Variants in FLNB observed in about 807,000 individuals in gnomAD.
The protein encoded by FLNB is filamin B.
A neutral mutation model predicts 250.6 loss-of-function variants in FLNB; 111 were observed. The ratio of observed to expected loss-of-function variants is 0.44; its 90% confidence interval spans 0.38 to 0.52. The LOEUF is 0.52. Among genes scored for constraint, FLNB ranks in the 20% least tolerant of loss-of-function variants. The pLI, the probability that FLNB is intolerant of heterozygous loss-of-function variation, is 0.00. For missense variants in FLNB, 2,869 were observed against 3,447.8 expected, an observed-to-expected ratio of 0.83 and a Z score of 4.20; for synonymous variants, 1,302 against 1,372.1, an observed-to-expected ratio of 0.95 and a Z score of 1.13.
chr3:58,095,121 G>C (rs2097235923), intron 5 of FLNB, among the ~76,000 whole-genome samples, 167 bp downstream of exon 5: 1 of 152,180 alleles, frequency 6.6e-6, no homozygotes, highest in Non-Finnish European at 1.5e-5. Context: ...TGCCCAAGAG[G>C]TGAGCCTTGA....
At chr3:58,153,249 C>A in intron 38 of FLNB, 126 bp from the exon 39 acceptor site, 1 of 1,120,130 alleles carries the variant, frequency 8.9e-7, no homozygotes, top group Non-Finnish European at 1.3e-6. Context: ...GGGAAGGAAG[C>A]CTGGGCACCT....
rs147219074 is a variant in FLNB, at chr3:58,070,928, G to A, written c.293-6118G>A. Among the ~76,000 whole-genome samples the A allele has an allele frequency of 3.0e-3, 453 of 149,834 alleles. 5 individuals carry two copies. Among genetic ancestry groups the A allele is most frequent in the African/African-American group, 0.011 (442 of 40,742 alleles). ...GCCTCCCAAAGTGCTAGGATTACAGGCTCTCTTGCTCTCTCTCTCTCTTGT... is the reference window on the plus strand; with the variant it reads ...GCCTCCCAAAGTGCTAGGATTACAGACTCTCTTGCTCTCTCTCTCTCTTGT... On this transcript the variant is annotated intron_variant, in intron 1 of 45. Coordinates refer to ENST00000295956, the MANE Select transcript of FLNB (RefSeq NM_001457.4).
chr3:58,103,905 T>G, intron 9 of FLNB, 54 bp from the exon 10 acceptor site: 3 of 1,605,772 alleles, frequency 1.9e-6, no homozygotes, highest in Non-Finnish European at 2.6e-6. Flanking sequence ...TCCTTTTGAT[T>G]CTCATTTTGG....
At chr3:58,023,933 A>G (rs982844555) in intron 1 of FLNB, among the ~76,000 whole-genome samples, 1 of 152,208 alleles carries the variant, frequency 6.6e-6, no homozygotes, top group Non-Finnish European at 1.5e-5. Context: ...TTTAGCTTTT[A>G]GTTGCTCAGC....
chr3:58,095,110 C>T (rs2097235898), intron 5 of FLNB, among the ~76,000 whole-genome samples, 156 bp downstream of exon 5: 1 of 152,170 alleles, frequency 6.6e-6, no homozygotes, highest in South Asian at 2.1e-4. Context: ...TTAAAGTAAC[C>T]TGCCCAAGAG....
Position 58,136,746 on chromosome 3 carries a change from CTT to C in FLNB, c.4861+600_4861+601del, listed in dbSNP as rs57053256. ...CAACTATTGACTGTCACAGGCCATT[CTT>C]TTTTTTTTTTTTTTTTTTTTTGAGA... On this transcript the variant is annotated intron_variant, in intron 28 of 45. Coordinates refer to ENST00000295956, the MANE Select transcript of FLNB (RefSeq NM_001457.4). 6.2e-3 allele frequency among the ~76,000 whole-genome samples: 495 copies of C among 79,768 alleles called. 3 individuals are homozygous for C. The highest frequency in any genetic ancestry group is 0.025 in the African/African-American group (456 of 18,152). The allele number at this position is 79,768 out of a possible 152,430, so 52.3% of individuals were successfully genotyped here. A position where few individuals can be genotyped will look rare whatever the true frequency, so the allele number is the denominator to read the frequency against.
At chr3:58,130,950 C>T (rs1322001589) in intron 25 of FLNB, 42 bp downstream of exon 25, 1 of 1,577,170 alleles carries the variant, frequency 6.3e-7, no homozygotes, top group Non-Finnish European at 8.6e-7. Flanking sequence ...TCATCTGCCC[C>T]AGGCAGGGGC....
chr3:58,025,371 A>G (rs1021592526), intron 1 of FLNB, among the ~76,000 whole-genome samples: 5 of 149,432 alleles, frequency 3.3e-5, no homozygotes, highest in Non-Finnish European at 7.4e-5. Flanking sequence ...CTCAAGTGAT[A>G]CTCCCTCCTC....
At chr3:58,081,068 TAC>T (rs1355262707) in intron 3 of FLNB, among the ~76,000 whole-genome samples, 1 of 152,216 alleles carries the variant, frequency 6.6e-6, no homozygotes, top group Non-Finnish European at 1.5e-5. Context: ...GTGATGGGAT[TAC>T]AGTCATGAGC....
intron 24 of FLNB, 35 bp from the exon 25 acceptor site, chr3:58,130,706 A>G: frequency 1.2e-6 from 2 of 1,604,252 alleles, no homozygotes; most frequent in South Asian, 2.2e-5. Context: ...TCCAATTCCC[A>G]GCTTGTGCTC....
chr3:58,141,092 A>C (rs1037730909), intron 29 of FLNB, among the ~76,000 whole-genome samples: 3 of 152,066 alleles, frequency 2.0e-5, no homozygotes, highest in Non-Finnish European at 4.4e-5. Flanking sequence ...TACCAAAAAA[A>C]AAAAATAATA....
At chr3:58,012,913 G>A (rs370427179) in intron 1 of FLNB, among the ~76,000 whole-genome samples, 29 of 152,342 alleles carry the variant, frequency 1.9e-4, no homozygotes, top group African/African-American at 7.0e-4. Flanking sequence ...GCTGCCAGAG[G>A]ACTCTGGCTT....
intron 5 of FLNB, among the ~76,000 whole-genome samples, chr3:58,095,256 T>C (rs1047419973): frequency 3.9e-5 from 6 of 152,082 alleles, no homozygotes; most frequent in Admixed American, 1.3e-4. Flanking sequence ...TATTTATTTA[T>C]TGAGACAGAG....
At chr3:58,127,804 A>G (rs2097300431) in intron 24 of FLNB, among the ~76,000 whole-genome samples, 1 of 152,206 alleles carries the variant, frequency 6.6e-6, no homozygotes, top group South Asian at 2.1e-4. Flanking sequence ...AGGACTCTCC[A>G]TAGGTTCTAG....
chr3:58,045,451 CATT>C (rs761779681), intron 1 of FLNB, among the ~76,000 whole-genome samples: 1 of 152,030 alleles, frequency 6.6e-6, no homozygotes, highest in Non-Finnish European at 1.5e-5. Context: ...TTTCTTAAAA[CATT>C]ATGAGATCCT....
At chr3:58,027,830 T>C (rs2097125556) in intron 1 of FLNB, among the ~76,000 whole-genome samples, 3 of 152,254 alleles carry the variant, frequency 2.0e-5, no homozygotes, top group Admixed American at 2.0e-4. Context: ...AAGGAGACTT[T>C]GTGTCACTAT....
In FLNB at chr3:58,104,046, G is replaced by C. The variant is rs750869078; in HGVS notation, c.1571G>C (p.Ser524Thr). The change falls in exon 10 of 46, where the codon AGC becomes ACC. Residue 524 changes from serine to threonine, a missense_variant. Coordinates refer to ENST00000295956, the MANE Select transcript of FLNB (RefSeq NM_001457.4). ...TACCCCAGCACCCCGGGGAGATACA[G>C]CATTGCCATCACATGGGGGGGACAC... Reference protein sequence around the residue: ...EYYPSTPGRYSIAITWGGHHI... With the variant: ...EYYPSTPGRYTIAITWGGHHI... The C allele has an allele frequency of 6.2e-7, 1 of 1,614,014 alleles. No individual in the cohort carries two copies. Among genetic ancestry groups the C allele is most frequent in the South Asian group, 1.1e-5 (1 of 91,062 alleles).
chr3:58,018,136 C>T (rs1415350780), intron 1 of FLNB, among the ~76,000 whole-genome samples: 1 of 152,020 alleles, frequency 6.6e-6, no homozygotes, highest in Non-Finnish European at 1.5e-5. Flanking sequence ...GTCTGCTGAG[C>T]ATTGGTCTAT....
rs577031737 is a variant in FLNB, at chr3:58,028,601, A to T, written c.292+19745A>T. On this transcript the variant is annotated intron_variant, in intron 1 of 45. Coordinates refer to ENST00000295956, the MANE Select transcript of FLNB (RefSeq NM_001457.4). ...GGAGACCTTATCTCTACCAAAAAAA[A>T]TTTTTTTTTCTTTTCTTTTTTTTTT... 9.4e-4 allele frequency among the ~76,000 whole-genome samples: 128 copies of T among 135,994 alleles called. 1 individual carries two copies. The highest frequency in any genetic ancestry group is 2.9e-3 in the Admixed American group (41 of 14,090). The allele number at this position is 135,994 out of a possible 152,430, so 89.2% of individuals were successfully genotyped here. A position where few individuals can be genotyped will look rare whatever the true frequency, so the allele number is the denominator to read the frequency against.
Sources: allele counts gnomAD v4.1 joint callset (sites outside exome capture counted in the v4.1 genomes callset), GRCh38; gene constraint gnomAD v4.1.1; transcripts MANE v1.5; gene names NCBI Gene and HGNC (gene_info 2026-07-23, HGNC 2026-07-21).